CACNB3: variants seen among roughly 807,000 people sequenced by gnomAD.
The protein encoded by CACNB3 is voltage-dependent L-type calcium channel subunit beta-3.
A neutral mutation model predicts 63.7 loss-of-function variants in CACNB3; 36 were observed. That is an observed-to-expected ratio of 0.57 (90% confidence interval 0.43 to 0.75). The LOEUF (loss-of-function observed/expected upper bound fraction) is 0.75. Ranked by LOEUF, CACNB3 falls within the 30% of genes least tolerant of loss-of-function variation. The pLI, the probability that CACNB3 is intolerant of heterozygous loss-of-function variation, is 0.00. For missense variants in CACNB3, 493 were observed against 648.6 expected, an observed-to-expected ratio of 0.76 and a Z score of 2.61; for synonymous variants, 241 against 250.6, an observed-to-expected ratio of 0.96 and a Z score of 0.36.
intron 1 of CACNB3, chr12:48,819,623 A>C (rs948470783): frequency 4.5e-6 from 2 of 448,842 alleles, no homozygotes; most frequent in Non-Finnish European, 8.9e-6. Context: ...ACTGAGCCCC[A>C]TCTATTCCAC....
At chr12:48,818,335 G>A (rs1256274680), upstream of CACNB3, 8 of 410,032 alleles carry the variant, frequency 2.0e-5, no homozygotes, top group Non-Finnish European at 2.6e-5. This position sits in a 1 kb window ranked among gnomAD's most constrained non-coding sequence, Gnocchi z 4.3. Flanking sequence ...GTCTCCGCCC[G>A]GGTCGCGTCT....
rs1436350717 is a variant in CACNB3, at chr12:48,826,829, A to G, written c.965A>G (p.Tyr322Cys). The G allele has an allele frequency of 1.2e-6, 2 of 1,613,978 alleles. No individual in the cohort carries two copies. Among genetic ancestry groups the G allele is most frequent in the African/African-American group, 1.3e-5 (1 of 74,918 alleles). Residue 322 changes from tyrosine to cysteine, a missense_variant, in exon 11 of 13, where the codon TAT becomes TGT. Coordinates refer to ENST00000301050, the MANE Select transcript of CACNB3 (RefSeq NM_000725.4). The surrounding 1 kb of genome is among the most constrained non-coding windows in gnomAD (Gnocchi z 4.8). ...CACCTGACCGTACAGATGATGGCAT[A>G]TGATAAGCTGGTTCAGTGCCCACCG... ...MKHLTVQMMA[Y>C]DKLVQCPPES...
At chr12:48,819,099 G>A in intron 1 of CACNB3, 125 bp downstream of exon 1, 2 of 1,008,102 alleles carry the variant, frequency 2.0e-6, no homozygotes, top group Non-Finnish European at 1.5e-6. Flanking sequence ...GTAGGGGGGC[G>A]CTCTAAGAAC....
upstream of CACNB3, chr12:48,816,852 C>A (rs983462255): frequency 1.3e-4 from 128 of 985,378 alleles, no homozygotes; most frequent in Non-Finnish European, 1.5e-4. Flanking sequence ...CAGCTGCCTC[C>A]ACCACTGCTT....
Position 48,827,750 on chromosome 12 carries a change from C to G in CACNB3, c.1306C>G (p.Leu436Val). The G allele has an allele frequency of 6.2e-7, 1 of 1,614,176 alleles. No individual in the cohort carries two copies. Residue 436 changes from leucine to valine, a missense_variant, in exon 13 of 13, where the codon CTG (leucine) becomes GTG (valine). Transcript: ENST00000301050. ...EEDYADAYQD[L>V]YQPHRQHTSG... is the part of the protein sequence containing the mutation. ...GGACTATGCAGATGCCTACCAGGAC[C>G]TGTACCAGCCTCACCGCCAACACAC...
intron 1 of CACNB3, chr12:48,819,505 T>G (rs1937730370): frequency 9.8e-5 from 31 of 317,780 alleles, no homozygotes; most frequent in South Asian, 7.4e-4. Context: ...CATTATTCCC[T>G]TCCACCCCCT....
At position 48,826,965 on chromosome 12, in the gene CACNB3, C is replaced by A. The variant is rs1257223204; in HGVS notation, c.991-9C>A. 2.5e-6 allele frequency: 4 copies of A among 1,613,790 alleles called. No homozygotes were observed. The highest frequency in any genetic ancestry group is 2.7e-5 in the African/African-American group (2 of 74,928). On this transcript the variant is annotated splice_polypyrimidine_tract_variant and intron_variant, in intron 11 of 12. Coordinates refer to ENST00000301050, the MANE Select transcript of CACNB3 (RefSeq NM_000725.4). This position sits in a 1 kb window ranked among gnomAD's most constrained non-coding sequence, Gnocchi z 4.8. ...GAAACCAACGTTGCGCCTTCCTCCC[C>A]CTCCCCAGGAGTCATTTGATGTGAT...
intron 3 of CACNB3, 163 bp from the exon 4 acceptor site, chr12:48,824,095 C>A: frequency 2.8e-6 from 2 of 707,714 alleles, no homozygotes; most frequent in Non-Finnish European, 4.7e-6. Flanking sequence ...CTGGGTGGCC[C>A]GAACTTGGCT....
chr12:48,821,940 C>A (rs1937871248), intron 1 of CACNB3, among the ~76,000 whole-genome samples: 1 of 152,156 alleles, frequency 6.6e-6, no homozygotes, highest in East Asian at 1.9e-4. Flanking sequence ...TGGGCTGACC[C>A]CTAGCTGAAC....
chr12:48,826,962 C>A lies in CACNB3; in HGVS notation c.991-12C>A. The A allele has an allele frequency of 6.2e-7, 1 of 1,613,808 alleles. No homozygotes were observed. Among genetic ancestry groups the A allele is most frequent in the Non-Finnish European group, 8.5e-7 (1 of 1,179,848 alleles). ...GGGGAAACCAACGTTGCGCCTTCCT[C>A]CCCCTCCCCAGGAGTCATTTGATGT... On this transcript the variant is annotated splice_polypyrimidine_tract_variant and intron_variant, in intron 11 of 12. Coordinates refer to ENST00000301050, the MANE Select transcript of CACNB3 (RefSeq NM_000725.4). The surrounding 1 kb of genome is among the most constrained non-coding windows in gnomAD (Gnocchi z 4.8).
At chr12:48,827,173 C>G (rs1283190957) in intron 12 of CACNB3, 50 bp downstream of exon 12, 1 of 1,591,538 alleles carries the variant, frequency 6.3e-7, no homozygotes, top group East Asian at 2.2e-5. Flanking sequence ...AGCCAAGGCA[C>G]TGCCCCTCCC....
Position 48,818,936 on chromosome 12 carries a change from GACGACTCCT to G in CACNB3, c.11_19del (p.Asp4_Tyr6del), listed in dbSNP as rs1249719043. 2 of 1,599,140 alleles carry G rather than the reference GACGACTCCT, an allele frequency of 1.3e-6. No homozygotes were observed. Among genetic ancestry groups the G allele is most frequent in the Non-Finnish European group, 1.7e-6 (2 of 1,173,132 alleles). On this transcript the variant is annotated inframe_deletion, in exon 1 of 13. Transcript: ENST00000301050. This position sits in a 1 kb window ranked among gnomAD's most constrained non-coding sequence, Gnocchi z 4.3. Reference sequence around the variant, plus strand: ...CCCCGACCCGGACTCCCCCATGTATGACGACTCCTACGTGCCCGGGTTTGAGGACTCGGA... The same window carrying G: ...CCCCGACCCGGACTCCCCCATGTATGACGTGCCCGGGTTTGAGGACTCGGA...
At position 48,827,871 on chromosome 12, in the gene CACNB3, A is replaced by G. The variant is rs1452338749; in HGVS notation, c.1427A>G (p.Asn476Ser). 1 of 1,613,984 alleles carries G rather than the reference A, an allele frequency of 6.2e-7. No homozygotes were observed. Among genetic ancestry groups the G allele is most frequent in the African/African-American group, 1.3e-5 (1 of 75,060 alleles). The change falls in exon 13 of 13, where the codon AAC becomes AGC. Residue 476 changes from asparagine (N) to serine (S), a missense_variant. Coordinates refer to ENST00000301050, the MANE Select transcript of CACNB3 (RefSeq NM_000725.4). Reference protein sequence around the residue: ...HNHSDRNWQRNRPWPKDSY With the variant: ...HNHSDRNWQRSRPWPKDSY ...CACAGTGACCGGAACTGGCAGCGCA[A>G]CCGGCCTTGGCCCAAGGATAGCTAC...
Position 48,825,081 on chromosome 12 carries a change from C to T in CACNB3, c.493-82C>T. On this transcript the variant is annotated intron_variant, in intron 6 of 12. Coordinates refer to ENST00000301050, the MANE Select transcript of CACNB3 (RefSeq NM_000725.4). The surrounding 1 kb of genome is among the most constrained non-coding windows in gnomAD (Gnocchi z 4.5). Reference sequence around the variant, plus strand: ...ACAGAGAGGGGAGGGAGCCCAGAACCTCTGGATCTGCCCTGACGCCAACCA... The same window carrying T: ...ACAGAGAGGGGAGGGAGCCCAGAACTTCTGGATCTGCCCTGACGCCAACCA... 1 of 1,585,420 alleles carries T rather than the reference C, an allele frequency of 6.3e-7. No individual in the cohort carries two copies. Among genetic ancestry groups the T allele is most frequent in the Middle Eastern group, 1.7e-4 (1 of 5,982 alleles).
chr12:48,815,824 G>T, upstream of CACNB3: 1 of 845,456 alleles, frequency 1.2e-6, no homozygotes. Context: ...ACGCGTTTGG[G>T]GGAGACTGCA....
chr12:48,815,607 C>A, upstream of CACNB3: 1 of 1,500,784 alleles, frequency 6.7e-7, no homozygotes, highest in Non-Finnish European at 8.9e-7. Flanking sequence ...GCGGGAGCAG[C>A]GTGCAGAGCA....
upstream of CACNB3, chr12:48,818,473 C>T: frequency 1.0e-6 from 1 of 993,620 alleles, no homozygotes; most frequent in South Asian, 4.5e-5. The surrounding 1 kb of genome is among the most constrained non-coding windows in gnomAD (Gnocchi z 4.3). Flanking sequence ...CTGCCTGGAT[C>T]CGCCCTGCCC....
chr12:48,823,656 T>G lies in CACNB3; in HGVS notation c.169-25T>G. 6.2e-7 allele frequency: 1 copy of G among 1,614,032 alleles called. No homozygotes were observed. Among genetic ancestry groups the G allele is most frequent in the Non-Finnish European group, 8.5e-7 (1 of 1,179,994 alleles). On this transcript the variant is annotated intron_variant, in intron 2 of 12. Transcript: ENST00000301050. This position sits in a 1 kb window ranked among gnomAD's most constrained non-coding sequence, Gnocchi z 4.2. ...AGGGGTGCTTCGAGCCTTCTCTCACTTGCACTAATGGGCAAATTCTCCAGC... is the reference window on the plus strand; with the variant it reads ...AGGGGTGCTTCGAGCCTTCTCTCACGTGCACTAATGGGCAAATTCTCCAGC...
intron 1 of CACNB3, 109 bp downstream of exon 1, chr12:48,819,083 G>C: frequency 8.6e-7 from 1 of 1,160,340 alleles, no homozygotes; most frequent in South Asian, 1.4e-5. Context: ...TGGCAGGGCA[G>C]GGTTTGTAGG....
Sources: allele counts gnomAD v4.1 joint callset (sites outside exome capture counted in the v4.1 genomes callset), GRCh38; gene constraint gnomAD v4.1.1; non-coding constraint Gnocchi (gnomAD v3.1); transcripts MANE v1.5; gene names NCBI Gene and HGNC (gene_info 2026-07-23, HGNC 2026-07-21).